The following VAV2 variants were observed in gnomAD, a reference collection of about 807,000 sequenced individuals.
VAV2 encodes the protein vav guanine nucleotide exchange factor 2.
A neutral mutation model predicts 132.5 loss-of-function variants in VAV2; 67 were observed. That is an observed-to-expected ratio of 0.51 (90% CI 0.42 to 0.62). VAV2 has a LOEUF of 0.62. Ranked by LOEUF, VAV2 falls within the 20% of genes least tolerant of loss-of-function variation. VAV2 has a pLI of 0.00. For missense variants in VAV2, 938 were observed against 1,153.6 expected, an observed-to-expected ratio of 0.81 and a Z score of 2.71; for synonymous variants, 492 against 443.5, an observed-to-expected ratio of 1.11 and a Z score of -1.37.
intron 9 of VAV2, among the ~76,000 whole-genome samples, chr9:133,798,122 A>G (rs527580578): frequency 6.6e-6 from 1 of 152,230 alleles, no homozygotes; most frequent in East Asian, 1.9e-4. Context: ...CCCACCCCCA[A>G]AAAGGGCCAA....
intron 1 of VAV2, among the ~76,000 whole-genome samples, chr9:133,953,902 C>G (rs1244345488): frequency 6.6e-6 from 1 of 152,188 alleles, no homozygotes. Context: ...TGTCCTCCCT[C>G]TGCAGAAAAA....
intron 2 of VAV2, among the ~76,000 whole-genome samples, chr9:133,902,399 C>T (rs1839479574): frequency 6.6e-6 from 1 of 152,212 alleles, no homozygotes; most frequent in African/African-American, 2.4e-5. Context: ...TACCACATCC[C>T]CAGATTTGCG....
chr9:133,793,632 T>C (rs1834590153), intron 12 of VAV2, among the ~76,000 whole-genome samples: 1 of 152,134 alleles, frequency 6.6e-6, no homozygotes, highest in South Asian at 2.1e-4. Context: ...GCCCAATGCC[T>C]GGCATGAAAT....
intron 9 of VAV2, among the ~76,000 whole-genome samples, chr9:133,801,767 A>G (rs1834937284): frequency 6.6e-6 from 1 of 152,216 alleles, no homozygotes; most frequent in South Asian, 2.1e-4. Context: ...AGAAAAGGAC[A>G]CAGAGACGCG....
chr9:133,812,094 A>G lies in VAV2; in HGVS notation c.552+20T>C. 1 of 1,611,052 alleles carries G rather than the reference A, an allele frequency of 6.2e-7. No homozygotes were observed. On this transcript the variant is annotated intron_variant, in intron 5 of 29. Coordinates refer to ENST00000371850, the MANE Select transcript of VAV2 (RefSeq NM_001134398.2). ...CGAGGGAAGGGAGGGGAAGGGAGGG[A>G]GGAGCGGGGCAGGGCTCACCATGGG...
In VAV2 at chr9:133,880,204, C is replaced by G. The variant is rs139988381; in HGVS notation, c.322-18772G>C. On this transcript the variant is annotated intron_variant, in intron 2 of 29. Coordinates refer to ENST00000371850, the MANE Select transcript of VAV2 (RefSeq NM_001134398.2). ...TGGCACTCACGAGCAGCCCTGGACACCAGGGTACAAGGTGTGTCCCCAAGA... is the reference window on the plus strand; with the variant it reads ...TGGCACTCACGAGCAGCCCTGGACAGCAGGGTACAAGGTGTGTCCCCAAGA... Among the ~76,000 whole-genome samples, 679 of 152,336 alleles carry G rather than the reference C, an allele frequency of 4.5e-3. 7 individuals carry two copies. The highest frequency in any genetic ancestry group is 0.016 in the African/African-American group (647 of 41,578).
rs760052704 is a variant in VAV2 at position 133,810,192 on chromosome 9, T to G, written c.566A>C (p.Gln189Pro). The change falls in exon 6 of 30, where the codon CAG becomes CCG. Residue 189 changes from glutamine to proline, a missense_variant and splice_region_variant. Gln to Pro is a moderately conservative substitution (Grantham distance 76). Coordinates refer to ENST00000371850, the MANE Select transcript of VAV2 (RefSeq NM_001134398.2). ...AGCCTCCCCTTCCGGGCCACTCACC[T>G]GCATGTATCTAATCTGCAAGCGTGG... ...EVQQPMIRYM[Q>P]KMGMTEDDKR... The G allele has an allele frequency of 1.9e-6, 3 of 1,613,404 alleles. No individual in the cohort carries two copies. Among genetic ancestry groups the G allele is most frequent in the Non-Finnish European group, 2.5e-6 (3 of 1,179,828 alleles).
At chr9:133,910,732 G>C (rs1361350520) in intron 2 of VAV2, among the ~76,000 whole-genome samples, 1 of 150,566 alleles carries the variant, frequency 6.6e-6, no homozygotes, top group Non-Finnish European at 1.5e-5. Flanking sequence ...GCTGAGGCAG[G>C]AGAATGGCGT....
At chr9:133,937,738 A>G (rs890607171) in intron 2 of VAV2, among the ~76,000 whole-genome samples, 5 of 152,196 alleles carry the variant, frequency 3.3e-5, no homozygotes, top group East Asian at 1.9e-4. Context: ...AGGCCATTCA[A>G]GCCTCCCTGA....
In VAV2 at chr9:133,861,426, A is replaced by C. The variant is rs143480779; in HGVS notation, c.328T>G (p.Ser110Ala). The C allele has an allele frequency of 1.2e-6, 2 of 1,613,364 alleles. No homozygotes were observed. Among genetic ancestry groups the C allele is most frequent in the African/African-American group, 1.3e-5 (1 of 75,042 alleles). ...FDVRDFGKVI[S>A]AVSRLSLHSI... ...TGCAGGGAGAGCCTCGACACCGCGGAGATGACCTGGGGGAGACAAGAAGAG... is the reference window on the plus strand; with the variant it reads ...TGCAGGGAGAGCCTCGACACCGCGGCGATGACCTGGGGGAGACAAGAAGAG... Residue 110 changes from serine (S) to alanine (A), a missense_variant, in exon 3 of 30, where the codon TCC (serine) becomes GCC (alanine). Transcript: ENST00000371850.
chr9:133,795,680 C>T lies in VAV2; in HGVS notation c.1089G>A (p.Leu363=). ...TTTACCCACACACCTGCATGGCTTC[C>T]AGTGCTTCTTTGAGCTGCTGCCTCT... ...RPERQQLKEA[L]EAMQDLAMYI... The change falls in exon 12 of 30, where the codon CTG becomes CTA. Residue 363 remains leucine (L), a synonymous_variant. Coordinates refer to ENST00000371850, the MANE Select transcript of VAV2 (RefSeq NM_001134398.2). 2 of 1,614,180 alleles carry T rather than the reference C, an allele frequency of 1.2e-6. No homozygotes were observed. The highest frequency in any genetic ancestry group is 2.2e-5 in the South Asian group (2 of 91,088).
intron 21 of VAV2, among the ~76,000 whole-genome samples, chr9:133,779,635 T>G (rs1296084721): frequency 1.3e-5 from 2 of 152,252 alleles, no homozygotes; most frequent in Admixed American, 1.3e-4. Context: ...GGTCTCTGGC[T>G]GCAGTTCGGT....
intron 1 of VAV2, among the ~76,000 whole-genome samples, chr9:133,988,036 G>C (rs1002066163): frequency 6.6e-6 from 1 of 152,220 alleles, no homozygotes; most frequent in Non-Finnish European, 1.5e-5. Flanking sequence ...CTCAAAGTGG[G>C]AGGGGCGCTC....
At chr9:133,814,670 T>C (rs1835489365) in intron 4 of VAV2, among the ~76,000 whole-genome samples, 1 of 152,206 alleles carries the variant, frequency 6.6e-6, no homozygotes, top group South Asian at 2.1e-4. Context: ...CGTGCAGGGA[T>C]GGCAAACGGC....
intron 1 of VAV2, among the ~76,000 whole-genome samples, chr9:133,942,374 T>C (rs1448396856): frequency 6.6e-6 from 1 of 152,160 alleles, no homozygotes; most frequent in East Asian, 1.9e-4. Context: ...ACACAATTGA[T>C]TCAGGCTGCT....
intron 1 of VAV2, among the ~76,000 whole-genome samples, chr9:133,976,428 A>C (rs1842514021): frequency 6.7e-6 from 1 of 149,816 alleles, no homozygotes; most frequent in South Asian, 2.2e-4. Context: ...CCCTCGATGG[A>C]GGAGGAGACA....
intron 1 of VAV2, among the ~76,000 whole-genome samples, chr9:133,966,432 G>A (rs1000875473): frequency 3.3e-5 from 5 of 152,230 alleles, no homozygotes; most frequent in Admixed American, 6.5e-5. Flanking sequence ...TCGGTCCAGC[G>A]AGGTGGCTCA....
chr9:133,853,292 C>T (rs1442089386), intron 3 of VAV2, among the ~76,000 whole-genome samples: 1 of 152,120 alleles, frequency 6.6e-6, no homozygotes, highest in Non-Finnish European at 1.5e-5. Flanking sequence ...TGTGGGTCTC[C>T]AGTCAGCAAG....
At position 133,763,829 on chromosome 9, in the gene VAV2, C is replaced by T. The variant is rs1481145065; in HGVS notation, c.*233G>A. On this transcript the variant is annotated 3_prime_UTR_variant, in exon 30 of 30. Coordinates refer to ENST00000371850, the MANE Select transcript of VAV2 (RefSeq NM_001134398.2). This position sits in a 1 kb window ranked among gnomAD's most constrained non-coding sequence, Gnocchi z 6.8. Reference sequence around the variant, plus strand: ...CCCCTCCTCTGCGCTCTGGGTGGGGCTAGCCCAGGTTTCCTCTATGTACAA... The same window carrying T: ...CCCCTCCTCTGCGCTCTGGGTGGGGTTAGCCCAGGTTTCCTCTATGTACAA... The T allele has an allele frequency of 5.4e-6, 3 of 552,438 alleles. No individual in the cohort carries two copies. Among genetic ancestry groups the T allele is most frequent in the Non-Finnish European group, 6.5e-6 (2 of 308,818 alleles). 34.2% of individuals were successfully genotyped at this position (552,438 alleles called of 1,614,324 possible).
Sources: allele counts gnomAD v4.1 joint callset (sites outside exome capture counted in the v4.1 genomes callset), GRCh38; gene constraint gnomAD v4.1.1; non-coding constraint Gnocchi (gnomAD v3.1); transcripts MANE v1.5; gene names NCBI Gene and HGNC (gene_info 2026-07-23, HGNC 2026-07-21).